Variants in KCNMB2 observed in about 807,000 individuals in gnomAD.
KCNMB2 encodes calcium-activated potassium channel subunit beta-2.
Under a neutral mutation model 24.5 loss-of-function variants are expected in KCNMB2, and 9 were observed. That is an observed-to-expected ratio of 0.37 (90% confidence interval 0.22 to 0.64). The LOEUF is 0.64. KCNMB2 is among the 30% of genes least tolerant of loss of function. The pLI is 0.63. For synonymous variants in KCNMB2, 109 were observed against 104.4 expected (o/e 1.04, Z -0.27); for missense variants, 226 against 284.3 (o/e 0.79, Z 1.47).
intron 1 of KCNMB2, chr3:178,748,190 A>T (rs186182757): frequency 1.3e-5 from 2 of 152,258 alleles, no homozygotes; most frequent in African/African-American, 4.8e-5. Context: ...AAGTGACTAT[A>T]GCCAAAATTA....
At chr3:178,552,706 G>C (rs1715996675) in intron 1 of KCNMB2, among the ~76,000 whole-genome samples, 1 of 152,044 alleles carries the variant, frequency 6.6e-6, no homozygotes, top group African/African-American at 2.4e-5. Context: ...AATATAATAA[G>C]TATCCTTGCT....
At chr3:178,832,120 A>T (rs937335166) in intron 4 of KCNMB2, among the ~76,000 whole-genome samples, 1 of 152,102 alleles carries the variant, frequency 6.6e-6, no homozygotes, top group Non-Finnish European at 1.5e-5. Flanking sequence ...ATCTAGGATC[A>T]TCTTTACTAG....
chr3:178,796,464 C>A (rs1417195569), intron 1 of KCNMB2, among the ~76,000 whole-genome samples: 5 of 152,008 alleles, frequency 3.3e-5, no homozygotes, highest in Non-Finnish European at 5.9e-5. Flanking sequence ...TTCTTCTCCT[C>A]GGCACATGCA....
chr3:178,552,515 A>G (rs570058387), intron 1 of KCNMB2, among the ~76,000 whole-genome samples: 1 of 152,238 alleles, frequency 6.6e-6, no homozygotes, highest in East Asian at 1.9e-4. Context: ...CAATGGTACT[A>G]TAAGCTTTAT....
Position 178,669,748 on chromosome 3 carries a change from A to G in KCNMB2, c.-68+133037A>G, listed in dbSNP as rs138413515. On this transcript the variant is annotated intron_variant, in intron 1 of 4. Transcript: ENST00000452583. ...CATAAAATCATAGGCTCTGGGAGCCAGCAGTAAAAAGGAAACTTTTGGATG... is the reference window on the plus strand; with the variant it reads ...CATAAAATCATAGGCTCTGGGAGCCGGCAGTAAAAAGGAAACTTTTGGATG... Among the ~76,000 whole-genome samples, 302 of 152,248 alleles carry G rather than the reference A, an allele frequency of 2.0e-3. 2 individuals are homozygous for G. The highest frequency in any genetic ancestry group is 2.8e-3 in the Non-Finnish European group (192 of 68,006).
intron 1 of KCNMB2, among the ~76,000 whole-genome samples, chr3:178,728,841 A>G (rs1723050405): frequency 6.6e-6 from 1 of 152,286 alleles, no homozygotes; most frequent in African/African-American, 2.4e-5. Context: ...CTACTCCTGG[A>G]AAGTTACTCA....
intron 1 of KCNMB2, among the ~76,000 whole-genome samples, chr3:178,794,464 T>C (rs2108442714): frequency 6.6e-6 from 1 of 152,286 alleles, no homozygotes; most frequent in South Asian, 2.1e-4. Flanking sequence ...GGTGAAGGAT[T>C]ACACCAAGTG....
chr3:178,757,370 ATATCCAAGAGGATATATATATATG>A (rs1724123314), intron 1 of KCNMB2, among the ~76,000 whole-genome samples: 8 of 78,294 alleles, frequency 1.0e-4, no homozygotes, highest in South Asian at 4.0e-4. Context: ...ATATATATAT[ATATCCAAGAGGATATATATATATG>A]TATATATATC....
intron 1 of KCNMB2, among the ~76,000 whole-genome samples, chr3:178,687,566 C>A (rs568222238): frequency 6.6e-6 from 1 of 151,056 alleles, no homozygotes. Context: ...GAGAATGATA[C>A]GCAAACAGCA....
At chr3:178,724,610 T>A (rs1489512036) in intron 1 of KCNMB2, among the ~76,000 whole-genome samples, 1 of 152,130 alleles carries the variant, frequency 6.6e-6, no homozygotes, top group Non-Finnish European at 1.5e-5. Flanking sequence ...TTTTCTAGGG[T>A]TTCTTCTAGG....
At chr3:178,840,250 C>T (rs1259377381) in intron 4 of KCNMB2, among the ~76,000 whole-genome samples, 1 of 152,198 alleles carries the variant, frequency 6.6e-6, no homozygotes, top group Non-Finnish European at 1.5e-5. Context: ...AGATGGGTTC[C>T]CAAGGCCTTG....
chr3:178,802,770 A>G (rs950405341), intron 1 of KCNMB2, among the ~76,000 whole-genome samples: 8 of 152,150 alleles, frequency 5.3e-5, no homozygotes, highest in Admixed American at 5.2e-4. Context: ...ATGTCTTTAT[A>G]TCTCAGAATG....
At chr3:178,649,721 T>C (rs1720042023) in intron 1 of KCNMB2, among the ~76,000 whole-genome samples, 1 of 152,152 alleles carries the variant, frequency 6.6e-6, no homozygotes, top group Admixed American at 6.5e-5. Flanking sequence ...TGATATCCCC[T>C]TTATCATTTT....
chr3:178,745,680 C>T (rs1723641975), intron 1 of KCNMB2, among the ~76,000 whole-genome samples: 3 of 152,270 alleles, frequency 2.0e-5, no homozygotes, highest in Admixed American at 6.5e-5. Flanking sequence ...AAAGCAGGTT[C>T]GTTACTTCCT....
intron 1 of KCNMB2, among the ~76,000 whole-genome samples, chr3:178,666,000 C>T (rs7372328): frequency 0.26 from 39,240 of 152,000 alleles, 5,652 homozygotes; most frequent in African/African-American, 0.38. Flanking sequence ...TGTGGCTTTA[C>T]TGGTCACATG....
chr3:178,727,880 C>A (rs1231131812), intron 1 of KCNMB2, among the ~76,000 whole-genome samples: 3 of 152,144 alleles, frequency 2.0e-5, no homozygotes, highest in African/African-American at 4.8e-5. Context: ...CTAATATAAT[C>A]CCCTCCAGGC....
At chr3:178,796,897 G>A (rs557998756) in intron 1 of KCNMB2, among the ~76,000 whole-genome samples, 79 of 151,876 alleles carry the variant, frequency 5.2e-4, no homozygotes, top group African/African-American at 1.7e-3. Context: ...ACATAACAGA[G>A]AGCAGAAATA....
At chr3:178,818,932 T>C (rs1714514823) in intron 2 of KCNMB2, among the ~76,000 whole-genome samples, 1 of 132,956 alleles carries the variant, frequency 7.5e-6, no homozygotes, top group South Asian at 2.4e-4. Flanking sequence ...CTGGATACTC[T>C]TCCTTTCTCA....
chr3:178,650,486 G>A (rs1188029772), intron 1 of KCNMB2, among the ~76,000 whole-genome samples: 1 of 151,872 alleles, frequency 6.6e-6, no homozygotes, highest in African/African-American at 2.4e-5. Flanking sequence ...TCTTTTTGTA[G>A]GTGTCTAAGA....
Sources: allele counts gnomAD v4.1 joint callset (sites outside exome capture counted in the v4.1 genomes callset), GRCh38; gene constraint gnomAD v4.1.1; transcripts MANE v1.5; gene names NCBI Gene and HGNC (gene_info 2026-07-23, HGNC 2026-07-21).